The following ADCY7 variants were observed in gnomAD, a reference collection of about 807,000 sequenced individuals.
ADCY7 encodes adenylate cyclase type 7.
In ADCY7, 72 loss-of-function variants were observed where a neutral mutation model predicts 120.6. The ratio of observed to expected loss-of-function variants is 0.60; its 90% CI spans 0.49 to 0.73. The LOEUF (loss-of-function observed/expected upper bound fraction) is 0.73. Ranked by LOEUF, ADCY7 falls within the 30% of genes least tolerant of loss-of-function variation. ADCY7 has a pLI of 0.00. For missense variants in ADCY7, 1,227 were observed against 1,486.0 expected (o/e 0.83, Z 2.87); for synonymous variants, 661 against 628.0 (o/e 1.05, Z -0.78).
rs898596295 is a variant in ADCY7, at chr16:50,317,718, G to A, written c.*2213G>A. ...GCAGGTATTTTCTTTTTATGAACTT[G>A]TTTTTAAATTACCAAGTAATTACTG... On this transcript the variant is annotated 3_prime_UTR_variant, in exon 26 of 26. Transcript: ENST00000673801. The A allele has an allele frequency of 2.6e-5, 4 of 152,258 alleles. No individual in the cohort carries two copies. The highest frequency in any genetic ancestry group is 9.7e-5 in the African/African-American group (4 of 41,422). 9.4% of individuals were successfully genotyped at this position (152,258 alleles called of 1,614,324 possible). A position where few individuals can be genotyped will look rare whatever the true frequency, so the allele number is the denominator to read the frequency against.
intron 1 of ADCY7, among the ~76,000 whole-genome samples, chr16:50,275,826 T>C (rs776763377): frequency 2.6e-5 from 4 of 152,208 alleles, no homozygotes; most frequent in Non-Finnish European, 4.4e-5. Context: ...AGGTGGGCTT[T>C]GGGCTTGGAG....
chr16:50,264,852 T>C (rs1363844132), upstream of ADCY7, among the ~76,000 whole-genome samples: 3 of 125,038 alleles, frequency 2.4e-5, no homozygotes, highest in Non-Finnish European at 5.2e-5. Flanking sequence ...TTTTTTTTTT[T>C]CTGAGACAGA....
chr16:50,310,200 G>A (rs1022746336), intron 18 of ADCY7, among the ~76,000 whole-genome samples: 1 of 152,190 alleles, frequency 6.6e-6, no homozygotes, highest in Non-Finnish European at 1.5e-5. Context: ...GGGGTTTTGG[G>A]TGGGTTGTCT....
chr16:50,269,407 G>A (rs959892261), intron 1 of ADCY7, among the ~76,000 whole-genome samples: 6 of 152,218 alleles, frequency 3.9e-5, no homozygotes, highest in Non-Finnish European at 8.8e-5. Flanking sequence ...GGTCCTTACT[G>A]GGAAGATGAG....
At chr16:50,266,502 C>T (rs527441804), upstream of ADCY7, 25 of 164,142 alleles carry the variant, frequency 1.5e-4, no homozygotes, top group South Asian at 1.7e-3. Flanking sequence ...CCGCCGCCGC[C>T]GCTGCTGCCG....
At chr16:50,267,482 G>A (rs571863842) in intron 1 of ADCY7, among the ~76,000 whole-genome samples, 5 of 152,346 alleles carry the variant, frequency 3.3e-5, no homozygotes, top group Admixed American at 3.3e-4. Flanking sequence ...AGCCACCTAC[G>A]ACAGGGGCCC....
Position 50,281,964 on chromosome 16 carries a change from G to A in ADCY7, c.-268-5948G>A, listed in dbSNP as rs561019833. 4.6e-5 allele frequency among the ~76,000 whole-genome samples: 7 copies of A among 152,338 alleles called. No individual in the cohort carries two copies. In the East Asian group the frequency reaches 1.2e-3, roughly 25 times the overall value. ...CGAGAGCCGGCAGGACCGGGGGCGCGAGACGGAGCATGCAGGTTTTTTGTC... is the reference window on the plus strand; with the variant it reads ...CGAGAGCCGGCAGGACCGGGGGCGCAAGACGGAGCATGCAGGTTTTTTGTC... On this transcript the variant is annotated intron_variant, in intron 1 of 25. Coordinates refer to ENST00000673801, the MANE Select transcript of ADCY7 (RefSeq NM_001114.5).
At chr16:50,284,014 G>A (rs1244627333) in intron 1 of ADCY7, among the ~76,000 whole-genome samples, 2 of 152,196 alleles carry the variant, frequency 1.3e-5, no homozygotes, top group Non-Finnish European at 2.9e-5. Context: ...AGGGCCTTGT[G>A]GGGAGGCCCT....
intron 6 of ADCY7, among the ~76,000 whole-genome samples, 154 bp downstream of exon 6, chr16:50,293,656 C>T (rs908157881): frequency 2.0e-5 from 3 of 152,162 alleles, no homozygotes; most frequent in Non-Finnish European, 4.4e-5. Flanking sequence ...ATCTGGGGCC[C>T]TCCCTGGGTC....
At chr16:50,311,854 G>C in intron 20 of ADCY7, 68 bp downstream of exon 20, 1 of 1,344,940 alleles carries the variant, frequency 7.4e-7, no homozygotes, top group Non-Finnish European at 1.1e-6. Context: ...TCTGGAGATG[G>C]GGTGGGGTGG....
intron 8 of ADCY7, among the ~76,000 whole-genome samples, chr16:50,299,296 T>C (rs2035560356): frequency 6.6e-6 from 1 of 152,146 alleles, no homozygotes; most frequent in Non-Finnish European, 1.5e-5. Context: ...GTCAGGGCGG[T>C]GGGCTCCGCT....
rs67137852 is a variant in ADCY7 at position 50,295,345 on chromosome 16, A to ATTTTTTTTTTTTT, written c.948+612_948+624dup. On this transcript the variant is annotated intron_variant, in intron 7 of 25. Coordinates refer to ENST00000673801, the MANE Select transcript of ADCY7 (RefSeq NM_001114.5). ...AGGCATGCACCACCACGCCTGGCTA[A>ATTTTTTTTTTTTT]TTTTTTTTTTTTTTTTTTTTTTTTT... 8.1e-4 allele frequency among the ~76,000 whole-genome samples: 67 copies of ATTTTTTTTTTTTT among 82,734 alleles called. 9 individuals carry two copies. Among genetic ancestry groups the ATTTTTTTTTTTTT allele is most frequent in the Non-Finnish European group, 1.2e-3 (54 of 43,894 alleles). The allele number at this position is 82,734 out of a possible 152,430, so 54.3% of individuals were successfully genotyped here.
intron 1 of ADCY7, among the ~76,000 whole-genome samples, chr16:50,279,239 G>T (rs1376447409): frequency 2.0e-5 from 3 of 152,106 alleles, no homozygotes; most frequent in Non-Finnish European, 4.4e-5. Flanking sequence ...CCACTGTCAG[G>T]GTGGGGCCCT....
intron 24 of ADCY7, chr16:50,314,708 C>CTG: frequency 2.2e-6 from 1 of 453,750 alleles, no homozygotes; most frequent in Admixed American, 3.8e-5. Flanking sequence ...AGTTGCGGGC[C>CTG]TGCGCTCAAA....
chr16:50,267,475 C>T (rs2033291349), intron 1 of ADCY7, among the ~76,000 whole-genome samples: 1 of 152,206 alleles, frequency 6.6e-6, no homozygotes, highest in Non-Finnish European at 1.5e-5. Flanking sequence ...CAGGCCGAGC[C>T]ACCTACGACA....
intron 19 of ADCY7, among the ~76,000 whole-genome samples, chr16:50,311,354 C>A (rs2036445479): frequency 6.6e-6 from 1 of 152,172 alleles, no homozygotes; most frequent in Non-Finnish European, 1.5e-5. Context: ...TCCTGTGGGT[C>A]TGCCCCGCAC....
In ADCY7 at chr16:50,311,802, C is replaced by CA; in HGVS notation, c.2448+16_2448+17insA. On this transcript the variant is annotated intron_variant, in intron 20 of 25. Transcript: ENST00000673801. Reference sequence around the variant, plus strand: ...CTCCAGACAGGTAAGGAGGCTGGCCCCCCCCCCCCCCCCAAGCTCTGCCCA... The same window carrying CA: ...CTCCAGACAGGTAAGGAGGCTGGCCCACCCCCCCCCCCCCAAGCTCTGCCCA... 4.2e-6 allele frequency: 1 copy of CA among 239,944 alleles called. No individual in the cohort carries two copies. Among genetic ancestry groups the CA allele is most frequent in the Non-Finnish European group, 6.5e-6 (1 of 154,100 alleles). The allele number at this position is 239,944 out of a possible 1,614,324, so 14.9% of individuals were successfully genotyped here.
upstream of ADCY7, among the ~76,000 whole-genome samples, chr16:50,261,868 TC>T (rs1251208258): frequency 6.6e-6 from 1 of 152,154 alleles, no homozygotes; most frequent in Admixed American, 6.5e-5. Flanking sequence ...CCAGGGCTCC[TC>T]CCGGTGCCGT....
chr16:50,290,785 G>A (rs1334301428), intron 3 of ADCY7, 125 bp downstream of exon 3: 1 of 1,089,260 alleles, frequency 9.2e-7, no homozygotes. Flanking sequence ...GCCCCAGGCT[G>A]GTTTTGTCCC....
Sources: allele counts gnomAD v4.1 joint callset (sites outside exome capture counted in the v4.1 genomes callset), GRCh38; gene constraint gnomAD v4.1.1; transcripts MANE v1.5; gene names NCBI Gene and HGNC (gene_info 2026-07-23, HGNC 2026-07-21).